Variants in RANBP2 observed in about 807,000 individuals in gnomAD.
RANBP2 encodes RAN binding protein 2.
Under a neutral mutation model 303.6 loss-of-function variants are expected in RANBP2, and 57 were observed. That is an observed-to-expected ratio of 0.19 (90% CI 0.15 to 0.23). RANBP2 has a LOEUF of 0.23. Ranked by LOEUF, RANBP2 falls within the 10% of genes least tolerant of loss-of-function variation. The pLI is 1.00. For missense variants in RANBP2, 3,138 were observed against 3,780.8 expected, an observed-to-expected ratio of 0.83 and a Z score of 4.46; for synonymous variants, 1,167 against 1,301.5, an observed-to-expected ratio of 0.90 and a Z score of 2.23.
the RANBP2 span, among the ~76,000 whole-genome samples, chr2:108,997,447 A>AAAAG: frequency 6.8e-6 from 1 of 147,234 alleles, no homozygotes; most frequent in South Asian, 2.2e-4. Flanking sequence ...TCTCAAAAAA[A>AAAAG]AAAAAAAAAA....
chr2:108,788,037 T>C (rs759660190), downstream of RANBP2: 2 of 1,562,714 alleles, frequency 1.3e-6, no homozygotes, highest in East Asian at 2.3e-5. Flanking sequence ...TTTAGTATGA[T>C]TTTTCAAATT....
chr2:109,145,464 T>C, the RANBP2 span, among the ~76,000 whole-genome samples: 1 of 152,182 alleles, frequency 6.6e-6, no homozygotes, highest in Non-Finnish European at 1.5e-5. Context: ...TTGGTCTGTC[T>C]GTCCGTGAGG....
chr2:109,383,890 C>T, the RANBP2 span, among the ~76,000 whole-genome samples: 1 of 152,208 alleles, frequency 6.6e-6, no homozygotes, highest in African/African-American at 2.4e-5. Flanking sequence ...TCAGCCCCTT[C>T]CACCCTACCA....
chr2:108,767,716 C>G lies in RANBP2; in HGVS notation c.7177C>G (p.Gln2393Glu), dbSNP rs370506934. 1.2e-6 allele frequency: 2 copies of G among 1,611,792 alleles called. No individual in the cohort carries two copies. The highest frequency in any genetic ancestry group is 1.7e-6 in the Non-Finnish European group (2 of 1,179,866). The change falls in exon 20 of 29, where the codon CAA becomes GAA. Residue 2393 changes from glutamine (Q) to glutamate (E), a missense_variant. Coordinates refer to ENST00000283195, the MANE Select transcript of RANBP2 (RefSeq NM_006267.5). ...CAGAATAACTCCAGACATGACTTTG[C>G]AAAATATGAAAGGGACAGAAAGAGT... ...NHRITPDMTLQNMKGTERVWL... is the reference protein window; with the variant it reads ...NHRITPDMTLENMKGTERVWL...
At chr2:109,015,843 A>T in the RANBP2 span, among the ~76,000 whole-genome samples, 1 of 152,224 alleles carries the variant, frequency 6.6e-6, no homozygotes, top group Non-Finnish European at 1.5e-5. Context: ...TCAACTGTTT[A>T]TGTTATCCGT....
chr2:109,318,345 G>T, the RANBP2 span, among the ~76,000 whole-genome samples: 20 of 152,164 alleles, frequency 1.3e-4, 1 homozygote, highest in Middle Eastern at 0.014. Context: ...CCGGTCCCCA[G>T]TGCTTGTCCT....
intron 1 of RANBP2, among the ~76,000 whole-genome samples, chr2:108,727,188 C>T (rs1055815307): frequency 5.3e-5 from 8 of 152,094 alleles, no homozygotes; most frequent in African/African-American, 1.7e-4. Context: ...CAGAGGGGCT[C>T]CTCACTTCCC....
the RANBP2 span, among the ~76,000 whole-genome samples, chr2:109,453,367 C>T: frequency 1.3e-5 from 2 of 152,226 alleles, no homozygotes; most frequent in South Asian, 4.1e-4. Context: ...TTAAGTTATC[C>T]TTTTGCACTT....
chr2:109,078,120 C>CA, the RANBP2 span, among the ~76,000 whole-genome samples: 42 of 33,592 alleles, frequency 1.3e-3, no homozygotes, highest in Non-Finnish European at 1.8e-3. Flanking sequence ...ATATATATAG[C>CA]GTGTATATAT....
chr2:109,160,872 G>T, the RANBP2 span, among the ~76,000 whole-genome samples: 1,004 of 152,294 alleles, frequency 6.6e-3, 10 homozygotes, highest in African/African-American at 0.023. Context: ...CTGCAAGGCT[G>T]CAGGTGGGCC....
the RANBP2 span, among the ~76,000 whole-genome samples, chr2:109,714,543 G>A: frequency 6.6e-6 from 1 of 152,006 alleles, no homozygotes; most frequent in African/African-American, 2.4e-5. Context: ...CTCGTAATCT[G>A]CCTACCTTGG....
the RANBP2 span, among the ~76,000 whole-genome samples, chr2:109,534,433 G>T: frequency 6.6e-6 from 1 of 152,196 alleles, no homozygotes; most frequent in Non-Finnish European, 1.5e-5. Context: ...GCAACTAAGA[G>T]CTGGGAGGAC....
chr2:108,804,159 G>C, the RANBP2 span, among the ~76,000 whole-genome samples: 2 of 152,040 alleles, frequency 1.3e-5, no homozygotes, highest in Admixed American at 1.3e-4. Flanking sequence ...TCACTACTTG[G>C]AAGAAGGGAA....
chr2:108,723,779 T>G (rs1694475785), intron 1 of RANBP2, among the ~76,000 whole-genome samples: 1 of 152,244 alleles, frequency 6.6e-6, no homozygotes, highest in Non-Finnish European at 1.5e-5. Flanking sequence ...ATAATTGCTT[T>G]ATTTTTTGGT....
chr2:108,724,623 TC>T (rs1246976731), intron 1 of RANBP2, among the ~76,000 whole-genome samples: 1 of 152,146 alleles, frequency 6.6e-6, no homozygotes, highest in East Asian at 1.9e-4. Flanking sequence ...TTGTATTATT[TC>T]TTTGACCATT....
At chr2:108,839,238 A>G in the RANBP2 span, 2 of 1,612,512 alleles carry the variant, frequency 1.2e-6, no homozygotes, top group African/African-American at 2.7e-5. Context: ...TGAATATCAA[A>G]CTTCACGAGC....
the RANBP2 span, among the ~76,000 whole-genome samples, chr2:108,803,352 C>A: frequency 6.6e-6 from 1 of 152,158 alleles, no homozygotes; most frequent in African/African-American, 2.4e-5. Flanking sequence ...CATAGAGGCC[C>A]CTCTTCCTGA....
intron 18 of RANBP2, 152 bp downstream of exon 18, chr2:108,758,700 T>C: frequency 7.0e-7 from 1 of 1,427,830 alleles, no homozygotes; most frequent in Non-Finnish European, 9.4e-7. Flanking sequence ...CTGTATTTGG[T>C]GTTACGGAGA....
At chr2:109,151,266 C>G in the RANBP2 span, among the ~76,000 whole-genome samples, 1 of 152,126 alleles carries the variant, frequency 6.6e-6, no homozygotes, top group Non-Finnish European at 1.5e-5. Flanking sequence ...TTGTGGGGCT[C>G]CATGTTTGTG....
Sources: allele counts gnomAD v4.1 joint callset (sites outside exome capture counted in the v4.1 genomes callset), GRCh38; gene constraint gnomAD v4.1.1; transcripts MANE v1.5; gene names NCBI Gene and HGNC (gene_info 2026-07-23, HGNC 2026-07-21).